CCNB1: variants seen among roughly 807,000 people sequenced by gnomAD.
The protein encoded by CCNB1 is cyclin B1.
In CCNB1, 26 loss-of-function variants were observed where a neutral mutation model predicts 44.4. That is an observed-to-expected ratio of 0.59 (90% CI 0.43 to 0.81). The LOEUF is 0.81. Among genes scored for constraint, CCNB1 ranks in the 40% least tolerant of loss-of-function variants. CCNB1 has a pLI of 0.00. For synonymous variants in CCNB1, 195 were observed against 181.4 expected, an observed-to-expected ratio of 1.08 and a Z score of -0.60; for missense variants, 477 against 520.9, an observed-to-expected ratio of 0.92 and a Z score of 0.82.
At chr5:69,173,881 T>C (rs1394496116) in intron 4 of CCNB1, among the ~76,000 whole-genome samples, 1 of 152,084 alleles carries the variant, frequency 6.6e-6, no homozygotes, top group Non-Finnish European at 1.5e-5. Context: ...GCAATTCTCC[T>C]GCCTCAGCCT....
Position 69,177,301 on chromosome 5 carries a change from C to G in CCNB1, c.1146C>G (p.His382Gln), listed in dbSNP as rs1349237949. ...AATCTCTTCTTCCAGTTATGCAGCA[C>G]CTGGCTAAGAATGTAGTCATGGTAA... ...TEESLLPVMQHLAKNVVMVNQ... is the reference protein window; with the variant it reads ...TEESLLPVMQQLAKNVVMVNQ... Residue 382 changes from histidine to glutamine, a missense_variant, in exon 8 of 9, where the codon CAC (histidine) becomes CAG (glutamine). By Grantham distance (24) the His-to-Gln change is conservative. Coordinates refer to ENST00000256442, the MANE Select transcript of CCNB1 (RefSeq NM_031966.4). 6.2e-7 allele frequency: 1 copy of G among 1,613,430 alleles called. No individual in the cohort carries two copies. Among genetic ancestry groups the G allele is most frequent in the Non-Finnish European group, 8.5e-7 (1 of 1,179,388 alleles).
At position 69,168,051 on chromosome 5, in the gene CCNB1, A is replaced by C; in HGVS notation, c.165A>C (p.Gln55His). 6.2e-7 allele frequency: 1 copy of C among 1,614,072 alleles called. No individual in the cohort carries two copies. Among genetic ancestry groups the C allele is most frequent in the South Asian group, 1.1e-5 (1 of 91,052 alleles). Residue 55 changes from glutamine (Q) to histidine (H), a missense_variant, in exon 2 of 9, where the codon CAA (glutamine) becomes CAC (histidine). Gln to His is a conservative substitution (Grantham distance 24). Coordinates refer to ENST00000256442, the MANE Select transcript of CCNB1 (RefSeq NM_031966.4). ...LGDIGNKVSE[Q>H]LQAKMPMKKE... The stretch of plus-strand genomic sequence containing the variant: ...ACATTGGTAACAAAGTCAGTGAACA[A>C]CTGCAGGCCAAAATGCCTATGAAGA...
In CCNB1 at chr5:69,175,415, A is replaced by G. The variant is rs764946652; in HGVS notation, c.961A>G (p.Thr321Ala). 4.3e-6 allele frequency: 7 copies of G among 1,613,440 alleles called. No individual in the cohort carries two copies. In the South Asian group the frequency reaches 6.6e-5, roughly 15 times the overall value. Residue 321 changes from threonine to alanine, a missense_variant, in exon 7 of 9, where the codon ACT becomes GCT. Physicochemically the swap from Thr to Ala is moderately conservative, Grantham distance 58. Transcript: ENST00000256442. ...KIGEVDVEQHTLAKYLMELTM... is the reference protein window; with the variant it reads ...KIGEVDVEQHALAKYLMELTM... Reference sequence around the variant, plus strand: ...GTTTCAGGTTGATGTCGAGCAACATACTTTGGCCAAATACCTGATGGAACT... The same window carrying G: ...GTTTCAGGTTGATGTCGAGCAACATGCTTTGGCCAAATACCTGATGGAACT...
rs748679401 is a variant in CCNB1, at chr5:69,175,478, T to C, written c.1024T>C (p.Ser342Pro). Reference sequence around the variant, plus strand: ...CTATGACATGGTGCACTTTCCTCCTTCTCAAATTGCAGCAGGAGCTTTTTG... The same window carrying C: ...CTATGACATGGTGCACTTTCCTCCTCCTCAAATTGCAGCAGGAGCTTTTTG... ...LDYDMVHFPP[S>P]QIAAGAFCLA... is the part of the protein sequence containing the mutation. The change falls in exon 7 of 9, where the codon TCT (serine) becomes CCT (proline). Residue 342 changes from serine (S) to proline (P), a missense_variant. Ser to Pro is a moderately conservative substitution (Grantham distance 74). Transcript: ENST00000256442. 23 of 1,614,000 alleles carry C rather than the reference T, an allele frequency of 1.4e-5. No individual in the cohort carries two copies. The highest frequency in any genetic ancestry group is 1.9e-5 in the Non-Finnish European group (22 of 1,179,846).
At chr5:69,173,376 A>G (rs1314165220) in intron 4 of CCNB1, among the ~76,000 whole-genome samples, 1 of 152,232 alleles carries the variant, frequency 6.6e-6, no homozygotes, top group Non-Finnish European at 1.5e-5. Context: ...TGCTGCAGAC[A>G]TCACAGCCTA....
Position 69,168,425 on chromosome 5 carries a change from G to T in CCNB1, c.363+82G>T. The T allele has an allele frequency of 2.7e-6, 4 of 1,488,074 alleles. No homozygotes were observed. In the South Asian group the frequency reaches 4.6e-5, roughly 17 times the overall value. The allele number at this position is 1,488,074 out of a possible 1,614,324, so 92.2% of individuals were successfully genotyped here. On this transcript the variant is annotated intron_variant, in intron 3 of 8. Transcript: ENST00000256442. ...CTGATACATGCAAGAGCATTCAAAT[G>T]AATAGTAATATTAATACCATTTATT...
chr5:69,176,161 T>TA (rs936274249), intron 7 of CCNB1, among the ~76,000 whole-genome samples: 10 of 151,630 alleles, frequency 6.6e-5, no homozygotes, highest in Non-Finnish European at 1.0e-4. Context: ...GTGTTGGAAT[T>TA]ACAGGCGTGA....
intron 3 of CCNB1, among the ~76,000 whole-genome samples, chr5:69,170,863 C>G (rs1183029446): frequency 6.6e-6 from 1 of 152,192 alleles, no homozygotes; most frequent in Non-Finnish European, 1.5e-5. Flanking sequence ...AAGGATCCTC[C>G]CACCTCAGCC....
chr5:69,175,030 A>G lies in CCNB1; in HGVS notation c.859A>G (p.Met287Val). The change falls in exon 6 of 9, where the codon ATG (methionine) becomes GTG (valine). Residue 287 changes from methionine to valine, a missense_variant. Coordinates refer to ENST00000256442, the MANE Select transcript of CCNB1 (RefSeq NM_031966.4). Reference protein sequence around the residue: ...YTKHQIRQMEMKILRALNFGL... With the variant: ...YTKHQIRQMEVKILRALNFGL... ...TAAGCACCAAATCAGACAGATGGAA[A>G]TGAAGATTCTAAGAGCTTTAAACTT... The G allele has an allele frequency of 6.2e-7, 1 of 1,614,224 alleles. No individual in the cohort carries two copies. The highest frequency in any genetic ancestry group is 8.5e-7 in the Non-Finnish European group (1 of 1,180,034).
intron 7 of CCNB1, among the ~76,000 whole-genome samples, chr5:69,176,014 T>TATATATAC (rs1554057014): frequency 3.7e-5 from 5 of 134,950 alleles, no homozygotes; most frequent in African/African-American, 8.2e-5. Context: ...TATATATATA[T>TATATATAC]ACAGGCACAC....
At chr5:69,175,873 G>A (rs181298294) in intron 7 of CCNB1, among the ~76,000 whole-genome samples, 7 of 151,294 alleles carry the variant, frequency 4.6e-5, no homozygotes, top group African/African-American at 1.5e-4. Context: ...AGGGTGGCAC[G>A]TTTCACATGT....
chr5:69,176,334 C>T (rs1747588493), intron 7 of CCNB1, among the ~76,000 whole-genome samples: 1 of 151,198 alleles, frequency 6.6e-6, no homozygotes, highest in African/African-American at 2.4e-5. Flanking sequence ...AATGCTTCTC[C>T]TATGTGACAG....
chr5:69,174,901 C>G lies in CCNB1; in HGVS notation c.730C>G (p.Leu244Val). Residue 244 changes from leucine to valine, a missense_variant, in exon 6 of 9, where the codon CTG (leucine) becomes GTG (valine). Coordinates refer to ENST00000256442, the MANE Select transcript of CCNB1 (RefSeq NM_031966.4). ...GAATAATTGTGTGCCCAAGAAGATG[C>G]TGCAGCTGGTTGGTGTCACTGCCAT... ...MQNNCVPKKM[L>V]QLVGVTAMFI... The G allele has an allele frequency of 6.2e-7, 1 of 1,614,042 alleles. No individual in the cohort carries two copies. Among genetic ancestry groups the G allele is most frequent in the Middle Eastern group, 1.7e-4 (1 of 6,060 alleles).
Position 69,177,799 on chromosome 5 carries a change from A to G in CCNB1, c.*168A>G. 1 of 543,132 alleles carries G rather than the reference A, an allele frequency of 1.8e-6. No individual in the cohort carries two copies. Among genetic ancestry groups the G allele is most frequent in the Non-Finnish European group, 3.3e-6 (1 of 304,544 alleles). 33.6% of individuals were successfully genotyped at this position (543,132 alleles called of 1,614,324 possible). On this transcript the variant is annotated 3_prime_UTR_variant, in exon 9 of 9. Transcript: ENST00000256442. ...ACTTCCTACTGTAGGGTAGCGGAAA[A>G]GTTGTCTTAAAAGGTATGGTGGGGA...
chr5:69,167,836 C>T (rs1747369484), intron 1 of CCNB1, 72 bp from the exon 2 acceptor site: 4 of 1,372,030 alleles, frequency 2.9e-6, no homozygotes, highest in Admixed American at 2.3e-5. Flanking sequence ...CTCCTTGTGC[C>T]CCACCTTAAT....
Position 69,175,982 on chromosome 5 carries a change from AATAT to A in CCNB1, c.1083+475_1083+478del, listed in dbSNP as rs68140968. Among the ~76,000 whole-genome samples, 174 of 116,370 alleles carry A rather than the reference AATAT, an allele frequency of 1.5e-3. 3 individuals carry two copies. The highest frequency in any genetic ancestry group is 9.0e-3 in the Middle Eastern group (2 of 222). The allele number at this position is 116,370 out of a possible 152,430, so 76.3% of individuals were successfully genotyped here. A position where few individuals can be genotyped will look rare whatever the true frequency, so the allele number is the denominator to read the frequency against. On this transcript the variant is annotated intron_variant, in intron 7 of 8. Transcript: ENST00000256442. The stretch of plus-strand genomic sequence containing the variant: ...CCTCATCTTTACAAAAAATATATAA[AATAT>A]ATATATATATATATATATATATATA...
intron 3 of CCNB1, among the ~76,000 whole-genome samples, chr5:69,170,844 A>G (rs1449218527): frequency 6.6e-6 from 1 of 152,146 alleles, no homozygotes; most frequent in Non-Finnish European, 1.5e-5. Flanking sequence ...TCTGGAACTC[A>G]TGGTCTCAAA....
At chr5:69,174,083 T>C (rs550720835) in intron 4 of CCNB1, among the ~76,000 whole-genome samples, 168 bp from the exon 5 acceptor site, 1 of 152,318 alleles carries the variant, frequency 6.6e-6, no homozygotes, top group Admixed American at 6.5e-5. Flanking sequence ...GTTTGCTTTA[T>C]TTCTTGGTGA....
intron 4 of CCNB1, among the ~76,000 whole-genome samples, 193 bp from the exon 5 acceptor site, chr5:69,174,058 C>T (rs1747522875): frequency 6.6e-6 from 1 of 152,070 alleles, no homozygotes; most frequent in Non-Finnish European, 1.5e-5. Context: ...CGTGAGCCAC[C>T]ACGCCAGCCT....
Sources: gnomAD v4.1 joint callset for allele counts (sites outside exome capture counted in the v4.1 genomes callset) on GRCh38, gnomAD v4.1.1 for gene constraint, MANE v1.5 for transcripts, NCBI Gene and HGNC (gene_info 2026-07-23, HGNC 2026-07-21) for gene names.